Variants in CELF5 observed in about 807,000 individuals in gnomAD.
The protein encoded by CELF5 is CUGBP Elav-like family member 5, also known as CUG-BP and ETR-3 like factor 5.
In CELF5, 6 loss-of-function variants were observed where a neutral mutation model predicts 54.9. That is an observed-to-expected ratio of 0.11 (90% CI 0.06 to 0.22). The LOEUF (loss-of-function observed/expected upper bound fraction) is 0.22, where lower values mean the gene tolerates loss of function less well. CELF5 is among the 10% of genes least tolerant of loss of function. The pLI, the probability that CELF5 is intolerant of heterozygous loss-of-function variation, is 1.00. For missense variants in CELF5, 401 were observed against 678.6 expected (o/e 0.59, Z 4.54); for synonymous variants, 271 against 290.9 (o/e 0.93, Z 0.70).
intron 1 of CELF5, among the ~76,000 whole-genome samples, chr19:3,248,905 C>CCTTCCTTT (rs1491140762): frequency 0.012 from 1,128 of 93,918 alleles, 6 homozygotes; most frequent in East Asian, 0.078. Context: ...TTCCTTCCTT[C>CCTTCCTTT]CTTTCTTTCT....
intron 1 of CELF5, among the ~76,000 whole-genome samples, chr19:3,247,228 G>A (rs2079579450): frequency 6.6e-6 from 1 of 152,070 alleles, no homozygotes. Flanking sequence ...CTGGGCTCAA[G>A]CGATCCTCCT....
intron 2 of CELF5, among the ~76,000 whole-genome samples, chr19:3,264,576 CG>C: frequency 6.6e-6 from 1 of 151,844 alleles, no homozygotes; most frequent in South Asian, 2.1e-4. Context: ...CCACCACGCC[CG>C]GCTAATGTTT....
intron 2 of CELF5, among the ~76,000 whole-genome samples, chr19:3,272,335 T>C (rs1297997797): frequency 6.6e-6 from 1 of 151,514 alleles, no homozygotes; most frequent in Non-Finnish European, 1.5e-5. Flanking sequence ...CGTCACTGCA[T>C]TCCAGCCTGG....
At chr19:3,225,339 C>T (rs1253635795) in intron 1 of CELF5, 2 of 105,730 alleles carry the variant, frequency 1.9e-5, no homozygotes, top group African/African-American at 8.3e-5. Context: ...CCCCACAGCA[C>T]CCTCTCTCTC....
chr19:3,288,289 A>G (rs1430808569), intron 10 of CELF5, among the ~76,000 whole-genome samples: 1 of 152,022 alleles, frequency 6.6e-6, no homozygotes, highest in East Asian at 1.9e-4. Flanking sequence ...TGGGAGGCTG[A>G]GGTGGGCAGA....
At chr19:3,245,021 TGTG>T (rs979324310) in intron 1 of CELF5, among the ~76,000 whole-genome samples, 5 of 148,672 alleles carry the variant, frequency 3.4e-5, no homozygotes. Context: ...GTGTGTAGTG[TGTG>T]GTGTGTGCAT....
At position 3,271,342 on chromosome 19, in the gene CELF5, TGGTACCCA is replaced by T. The variant is rs2079960798; in HGVS notation, c.343-2526_343-2519del. ...CTCCTGCCTCCAGCCTAGCAGGGTG[TGGTACCCA>T]GGTGGAAAGGGCCCCGGTGTGTATG... On this transcript the variant is annotated intron_variant, in intron 2 of 12. Coordinates refer to ENST00000292672, the MANE Select transcript of CELF5 (RefSeq NM_021938.4). Among the ~76,000 whole-genome samples the T allele has an allele frequency of 2.6e-5, 4 of 151,492 alleles. No homozygotes were observed. The South Asian group carries it at 8.4e-4, about 32-fold the overall frequency.
At chr19:3,261,661 A>C (rs1337252505) in intron 2 of CELF5, among the ~76,000 whole-genome samples, 1 of 151,764 alleles carries the variant, frequency 6.6e-6, no homozygotes, top group African/African-American at 2.4e-5. Flanking sequence ...CTCTACAAAA[A>C]ATTTTAAAAA....
intron 12 of CELF5, chr19:3,296,169 G>A (rs1042683429): frequency 7.8e-6 from 1 of 127,624 alleles, no homozygotes. Flanking sequence ...TTGGGAGTGG[G>A]GTGGGGTGGG....
chr19:3,296,560 G>C (rs911196069), intron 12 of CELF5, 198 bp from the exon 13 acceptor site: 2 of 151,586 alleles, frequency 1.3e-5, no homozygotes, highest in African/African-American at 4.8e-5. Context: ...CTCTCCTCTA[G>C]CGTGCCTGTG....
At chr19:3,254,306 T>A (rs2079689459) in intron 2 of CELF5, among the ~76,000 whole-genome samples, 1 of 151,532 alleles carries the variant, frequency 6.6e-6, no homozygotes, top group South Asian at 2.1e-4. Flanking sequence ...CATCTGCCCA[T>A]GTGTCTACAT....
rs3046138 is a variant in CELF5 at position 3,278,679 on chromosome 19, TTGTGTG to T, written c.603+585_603+590del. Among the ~76,000 whole-genome samples the T allele has an allele frequency of 2.0e-5, 3 of 148,892 alleles. No homozygotes were observed. The highest frequency in any genetic ancestry group is 5.0e-5 in the African/African-American group (2 of 40,384). On this transcript the variant is annotated intron_variant, in intron 5 of 12. Transcript: ENST00000292672. The surrounding 1 kb of genome is among the most constrained non-coding windows in gnomAD (Gnocchi z 4.5). ...TCTGCAGGTGCATTTGTGGGCAGGT[TTGTGTG>T]TGTGTGTGTGTGTGTTTGTGTGTGT...
chr19:3,293,694 A>T, intron 12 of CELF5: 1 of 481,660 alleles, frequency 2.1e-6, no homozygotes, highest in Non-Finnish European at 3.8e-6. Context: ...GAGGGTGGGA[A>T]TGGGGTAGGG....
chr19:3,285,894 G>C, intron 9 of CELF5, 48 bp from the exon 10 acceptor site: 7 of 815,450 alleles, frequency 8.6e-6, no homozygotes, highest in Non-Finnish European at 1.1e-5. Context: ...GGCCGCCCAC[G>C]TGGCCTCACG....
chr19:3,275,103 C>T lies in CELF5; in HGVS notation c.395-753C>T, dbSNP rs1470396276. ...CCCCATGAGTGACAGCTGCCGAGAG[C>T]GGTTTCCATAGTAACCCAGCTCACC... On this transcript the variant is annotated intron_variant, in intron 3 of 12. Coordinates refer to ENST00000292672, the MANE Select transcript of CELF5 (RefSeq NM_021938.4). This position sits in a 1 kb window ranked among gnomAD's most constrained non-coding sequence, Gnocchi z 6.7. Among the ~76,000 whole-genome samples, 1 of 152,102 alleles carries T rather than the reference C, an allele frequency of 6.6e-6. No individual in the cohort carries two copies. Among genetic ancestry groups the T allele is most frequent in the Non-Finnish European group, 1.5e-5 (1 of 68,020 alleles).
At chr19:3,232,142 T>G (rs1384264503) in intron 1 of CELF5, among the ~76,000 whole-genome samples, 1 of 152,180 alleles carries the variant, frequency 6.6e-6, no homozygotes, top group Non-Finnish European at 1.5e-5. Flanking sequence ...TGGCTCCATT[T>G]TTAAATTTCT....
chr19:3,281,099 C>G lies in CELF5; in HGVS notation c.604-100C>G. The G allele has an allele frequency of 1.1e-5, 15 of 1,397,038 alleles. No individual in the cohort carries two copies. Among genetic ancestry groups the G allele is most frequent in the Non-Finnish European group, 1.5e-5 (15 of 1,015,912 alleles). The allele number at this position is 1,397,038 out of a possible 1,614,324, so 86.5% of individuals were successfully genotyped here. A position where few individuals can be genotyped will look rare whatever the true frequency, so the allele number is the denominator to read the frequency against. ...ATGGCTGACAGCCACTGGCATTACA[C>G]CCCTCACCCAGGAGGCCTGAGCTAA... On this transcript the variant is annotated intron_variant, in intron 5 of 12. Transcript: ENST00000292672. The surrounding 1 kb of genome is among the most constrained non-coding windows in gnomAD (Gnocchi z 6.5).
Position 3,273,931 on chromosome 19 carries a change from T to C in CELF5, c.394+8T>C, listed in dbSNP as rs1401047289. 6.2e-7 allele frequency: 1 copy of C among 1,612,976 alleles called. No homozygotes were observed. Among genetic ancestry groups the C allele is most frequent in the Non-Finnish European group, 8.5e-7 (1 of 1,179,062 alleles). On this transcript the variant is annotated splice_region_variant and intron_variant, in intron 3 of 12. Coordinates refer to ENST00000292672, the MANE Select transcript of CELF5 (RefSeq NM_021938.4). ...GTGAAAGCCGCGGAGGTAGTTGTCA[T>C]CTCTCCGTGGCTGCCAGGCTGGGGG...
intron 2 of CELF5, among the ~76,000 whole-genome samples, chr19:3,259,345 G>C (rs2079775609): frequency 6.6e-6 from 1 of 152,136 alleles, no homozygotes; most frequent in African/African-American, 2.4e-5. Flanking sequence ...AGATGCACCT[G>C]GCATGGAGTA....
Sources: gnomAD v4.1 joint callset for allele counts (sites outside exome capture counted in the v4.1 genomes callset) on GRCh38, gnomAD v4.1.1 for gene constraint, Gnocchi (gnomAD v3.1) non-coding constraint, MANE v1.5 for transcripts, NCBI Gene and HGNC (gene_info 2026-07-23, HGNC 2026-07-21) for gene names.